Variants in NCKAP5 observed in about 807,000 individuals in gnomAD.
NCKAP5 encodes the protein nck-associated protein 5.
NCKAP5 carries 92 observed loss-of-function variants against 167.0 expected under a neutral mutation model. That is an observed-to-expected ratio of 0.55 (90% CI 0.47 to 0.66). The LOEUF (loss-of-function observed/expected upper bound fraction) is 0.66. NCKAP5 is among the 30% of genes least tolerant of loss of function. The pLI, the probability that NCKAP5 is intolerant of heterozygous loss-of-function variation, is 0.00. For missense variants in NCKAP5, 2,378 were observed against 2,315.0 expected (o/e 1.03, Z -0.56); for synonymous variants, 891 against 877.4 (o/e 1.02, Z -0.27).
At chr2:133,378,110 A>T (rs1686279610) in intron 3 of NCKAP5, among the ~76,000 whole-genome samples, 1 of 152,232 alleles carries the variant, frequency 6.6e-6, no homozygotes, top group Non-Finnish European at 1.5e-5. Context: ...AGAAGAATAT[A>T]AAAAATAAAA....
At chr2:132,773,416 C>T (rs919299811) in intron 16 of NCKAP5, among the ~76,000 whole-genome samples, 9 of 152,074 alleles carry the variant, frequency 5.9e-5, no homozygotes, top group Admixed American at 1.3e-4. Flanking sequence ...TTTGGCAAAC[C>T]GTATTTTCTT....
the NCKAP5 span, among the ~76,000 whole-genome samples, chr2:133,597,139 G>T: frequency 1.3e-5 from 2 of 152,202 alleles, no homozygotes. Flanking sequence ...CATCTGTGAT[G>T]ATCTGTGGAG....
At chr2:133,574,194 C>T in the NCKAP5 span, among the ~76,000 whole-genome samples, 2 of 152,198 alleles carry the variant, frequency 1.3e-5, no homozygotes, top group African/African-American at 4.8e-5. Flanking sequence ...TTGTAATCAG[C>T]GCCTGCCCTG....
chr2:133,544,869 C>G (rs997308673), intron 2 of NCKAP5, among the ~76,000 whole-genome samples: 1 of 152,196 alleles, frequency 6.6e-6, no homozygotes, highest in African/African-American at 2.4e-5. Flanking sequence ...TAACTATCAG[C>G]CTTCAGAATC....
At chr2:133,599,956 G>A in the NCKAP5 span, among the ~76,000 whole-genome samples, 6 of 152,230 alleles carry the variant, frequency 3.9e-5, no homozygotes, top group Admixed American at 2.6e-4. Flanking sequence ...GGTGGGGTGA[G>A]CGAATGCCAA....
intron 8 of NCKAP5, among the ~76,000 whole-genome samples, chr2:132,895,861 G>A (rs547291112): frequency 4.0e-5 from 6 of 149,832 alleles, no homozygotes; most frequent in African/African-American, 9.8e-5. Flanking sequence ...TAGGCCAGGC[G>A]CAGTGGCCCA....
intron 16 of NCKAP5, among the ~76,000 whole-genome samples, chr2:132,736,240 A>C (rs948023505): frequency 6.6e-6 from 1 of 152,234 alleles, no homozygotes; most frequent in African/African-American, 2.4e-5. Flanking sequence ...TGGAAATGGA[A>C]GTTTATATTG....
the NCKAP5 span, among the ~76,000 whole-genome samples, chr2:133,633,996 ACT>A: frequency 1.3e-5 from 2 of 151,658 alleles, no homozygotes; most frequent in South Asian, 2.1e-4. Context: ...TCAAATAGAA[ACT>A]CTTATCTGGA....
At chr2:133,098,191 A>G (rs113818188) in intron 6 of NCKAP5, among the ~76,000 whole-genome samples, 2,226 of 152,308 alleles carry the variant, frequency 0.015, 65 homozygotes, top group African/African-American at 0.05. Flanking sequence ...AAAATTTCCA[A>G]CGTAATGTGT....
At chr2:132,818,837 C>T (rs1216104008) in intron 11 of NCKAP5, among the ~76,000 whole-genome samples, 2 of 152,152 alleles carry the variant, frequency 1.3e-5, no homozygotes, top group Admixed American at 6.5e-5. Context: ...AAATTACAGA[C>T]ATTTTATCAT....
intron 6 of NCKAP5, among the ~76,000 whole-genome samples, chr2:133,061,358 C>T (rs990733683): frequency 1.3e-5 from 2 of 152,194 alleles, no homozygotes; most frequent in Non-Finnish European, 2.9e-5. Flanking sequence ...GTACTATAGG[C>T]ATTTGTAAAT....
chr2:132,868,817 C>A, intron 10 of NCKAP5, 119 bp downstream of exon 10: 1 of 617,212 alleles, frequency 1.6e-6, no homozygotes, highest in South Asian at 3.5e-5. Flanking sequence ...ACGATTTTCA[C>A]TAAGTGAATA....
intron 6 of NCKAP5, among the ~76,000 whole-genome samples, chr2:133,030,583 T>C (rs1046226072): frequency 2.0e-5 from 3 of 152,192 alleles, no homozygotes; most frequent in African/African-American, 7.2e-5. Context: ...GTACAAAGCA[T>C]TCTGACTGGT....
At chr2:133,446,052 C>A (rs998457198) in intron 3 of NCKAP5, among the ~76,000 whole-genome samples, 1 of 152,048 alleles carries the variant, frequency 6.6e-6, no homozygotes. Flanking sequence ...TAATGCAAGA[C>A]AGACTTGCAA....
chr2:132,826,454 T>G (rs1687130537), intron 11 of NCKAP5, among the ~76,000 whole-genome samples: 1 of 152,204 alleles, frequency 6.6e-6, no homozygotes, highest in Non-Finnish European at 1.5e-5. Context: ...AACCATTATT[T>G]AATTCCCCAG....
intron 4 of NCKAP5, among the ~76,000 whole-genome samples, chr2:133,245,883 T>C: frequency 6.8e-6 from 1 of 148,036 alleles, no homozygotes; most frequent in Non-Finnish European, 1.5e-5. Context: ...AAGGATTTTT[T>C]TGATTTGATC....
chr2:133,021,096 T>A (rs1489183577), intron 6 of NCKAP5, among the ~76,000 whole-genome samples: 1 of 152,236 alleles, frequency 6.6e-6, no homozygotes, highest in Non-Finnish European at 1.5e-5. Context: ...GGCCTTTTTT[T>A]ATTTATGTTA....
In NCKAP5 at chr2:133,300,343, G is replaced by C. The variant is rs56072118; in HGVS notation, c.143+2694C>G. On this transcript the variant is annotated intron_variant, in intron 4 of 19. Transcript: ENST00000409261. ...ACAACCAAAAAAGAGAATTTTAGACGAATATCCTTGATGAACACTGATGCA... is the reference window on the plus strand; with the variant it reads ...ACAACCAAAAAAGAGAATTTTAGACCAATATCCTTGATGAACACTGATGCA... Among the ~76,000 whole-genome samples, 1,047 of 122,284 alleles carry C rather than the reference G, an allele frequency of 8.6e-3. 2 individuals carry two copies. Among genetic ancestry groups the C allele is most frequent in the African/African-American group, 0.013 (347 of 27,748 alleles). 80.2% of individuals were successfully genotyped at this position (122,284 alleles called of 152,430 possible). A position where few individuals can be genotyped will look rare whatever the true frequency, so the allele number is the denominator to read the frequency against.
chr2:133,588,190 C>T, the NCKAP5 span, among the ~76,000 whole-genome samples: 1 of 152,024 alleles, frequency 6.6e-6, no homozygotes, highest in Admixed American at 6.6e-5. Context: ...TTTGGAAATA[C>T]TATTCTAATG....
Sources: allele counts gnomAD v4.1 joint callset (sites outside exome capture counted in the v4.1 genomes callset), GRCh38; gene constraint gnomAD v4.1.1; transcripts MANE v1.5; gene names NCBI Gene and HGNC (gene_info 2026-07-23, HGNC 2026-07-21).